The following HRH1 variants were observed in gnomAD, a reference collection of about 807,000 sequenced individuals.
The protein encoded by HRH1 is histamine receptor H1, also known as histamine H1 receptor.
Under a neutral mutation model 10.3 loss-of-function variants are expected in HRH1, and 6 were observed. That is an observed-to-expected ratio of 0.58 (90% CI 0.32 to 1.15). The LOEUF (loss-of-function observed/expected upper bound fraction) is 1.15. Among genes scored for constraint, HRH1 ranks in the 50% most tolerant of loss-of-function variants. The probability of loss-of-function intolerance (pLI) is 0.05; values close to 1 mark genes in which losing one functional copy is unlikely to be tolerated. For synonymous variants in HRH1, 242 were observed against 236.7 expected (o/e 1.02, Z -0.21); for missense variants, 514 against 615.3 (o/e 0.84, Z 1.74).
At chr3:11,216,905 C>T (rs185250484) in intron 1 of HRH1, among the ~76,000 whole-genome samples, 7 of 150,910 alleles carry the variant, frequency 4.6e-5, no homozygotes, top group East Asian at 3.9e-4. Context: ...AAAAACAGGC[C>T]GGGTGTGGTG....
chr3:11,227,032 G>C (rs1938905951), intron 1 of HRH1, among the ~76,000 whole-genome samples: 1 of 152,224 alleles, frequency 6.6e-6, no homozygotes, highest in African/African-American at 2.4e-5. Context: ...AACTGGATTT[G>C]TGGTTTTAGA....
At chr3:11,253,080 C>A (rs1392428970) in intron 1 of HRH1, 1 of 152,192 alleles carries the variant, frequency 6.6e-6, no homozygotes. Context: ...TTTCATATTT[C>A]ACTTTTGTCT....
intron 1 of HRH1, among the ~76,000 whole-genome samples, chr3:11,159,656 G>A (rs147877763): frequency 1.4e-4 from 21 of 152,206 alleles, no homozygotes; most frequent in African/African-American, 4.3e-4. Flanking sequence ...CAGTGATTTC[G>A]TTTCTCATGC....
intron 1 of HRH1, among the ~76,000 whole-genome samples, chr3:11,160,963 A>C (rs1162083215): frequency 6.6e-6 from 1 of 152,192 alleles, no homozygotes; most frequent in Non-Finnish European, 1.5e-5. Flanking sequence ...AGTACCCTAG[A>C]GTATCAATGG....
chr3:11,229,420 A>G (rs1938984765), intron 1 of HRH1, among the ~76,000 whole-genome samples: 1 of 152,190 alleles, frequency 6.6e-6, no homozygotes, highest in African/African-American at 2.4e-5. Context: ...TTTTCCTTCA[A>G]GGCATTTAGG....
intron 1 of HRH1, among the ~76,000 whole-genome samples, chr3:11,194,764 G>T (rs189557193): frequency 6.6e-6 from 1 of 152,308 alleles, no homozygotes; most frequent in Non-Finnish European, 1.5e-5. Context: ...GCAGTGAGCT[G>T]AGATTGTGTC....
intron 1 of HRH1, among the ~76,000 whole-genome samples, chr3:11,155,602 G>C (rs919907596): frequency 6.6e-6 from 1 of 152,188 alleles, no homozygotes; most frequent in Non-Finnish European, 1.5e-5. Flanking sequence ...TCCGGCAGAG[G>C]GCTCCCGCCT....
chr3:11,179,573 T>G (rs1420056380), intron 1 of HRH1, among the ~76,000 whole-genome samples: 1 of 150,290 alleles, frequency 6.7e-6, no homozygotes, highest in Non-Finnish European at 1.5e-5. Flanking sequence ...TGAGCTGAGA[T>G]TACGCCACTG....
intron 1 of HRH1, among the ~76,000 whole-genome samples, chr3:11,166,972 CT>C (rs1365896414): frequency 6.6e-6 from 1 of 151,516 alleles, no homozygotes; most frequent in South Asian, 2.1e-4. Context: ...CTGCTGCCCC[CT>C]GGCTTCTCCA....
chr3:11,260,535 T>C lies in HRH1; in HGVS notation c.*34T>C. ...CTGAGGGGATGCAACAAAATGATCC[T>C]TATGATGTCCAACAAGGAAATAGAG... On this transcript the variant is annotated 3_prime_UTR_variant, in exon 2 of 2. Coordinates refer to ENST00000431010, the MANE Select transcript of HRH1 (RefSeq NM_001098212.2). The C allele has an allele frequency of 1.3e-6, 2 of 1,531,410 alleles. No individual in the cohort carries two copies. The highest frequency in any genetic ancestry group is 1.8e-6 in the Non-Finnish European group (2 of 1,138,152). 94.9% of individuals were successfully genotyped at this position (1,531,410 alleles called of 1,614,324 possible).
intron 1 of HRH1, among the ~76,000 whole-genome samples, chr3:11,180,387 T>G (rs1937329181): frequency 6.6e-6 from 1 of 152,266 alleles, no homozygotes; most frequent in East Asian, 1.9e-4. Flanking sequence ...ATTAGTTAGA[T>G]TCTCGTAAGG....
At chr3:11,234,679 A>G in intron 1 of HRH1, 3 of 1,171,992 alleles carry the variant, frequency 2.6e-6, no homozygotes, top group East Asian at 2.3e-5. Flanking sequence ...GCAGTAGGAC[A>G]TGGCTGCAGC....
At chr3:11,184,803 G>A (rs1392717281) in intron 1 of HRH1, among the ~76,000 whole-genome samples, 1 of 151,586 alleles carries the variant, frequency 6.6e-6, no homozygotes, top group Non-Finnish European at 1.5e-5. Context: ...TGTAGTCCCA[G>A]CTATTTGGGA....
intron 1 of HRH1, among the ~76,000 whole-genome samples, chr3:11,207,909 G>A (rs566872473): frequency 3.3e-4 from 50 of 152,304 alleles, no homozygotes; most frequent in African/African-American, 7.2e-4. Context: ...AAGGGCGGGC[G>A]TCATTGACCA....
At chr3:11,144,596 A>G (rs1211827110) in intron 1 of HRH1, among the ~76,000 whole-genome samples, 1 of 151,328 alleles carries the variant, frequency 6.6e-6, no homozygotes, top group Non-Finnish European at 1.5e-5. Context: ...AGAAGCCATT[A>G]TCATATGTCC....
At position 11,173,623 on chromosome 3, in the gene HRH1, A is replaced by C. The variant is rs866727595; in HGVS notation, c.-36+19069A>C. On this transcript the variant is annotated intron_variant, in intron 1 of 1. Coordinates refer to ENST00000431010, the MANE Select transcript of HRH1 (RefSeq NM_001098212.2). ...TTATCCTTTATAAAAATATATTTTA[A>C]ATATATATAAATTAGTTTTTGTTTT... 4.6e-5 allele frequency among the ~76,000 whole-genome samples: 7 copies of C among 151,862 alleles called. No homozygotes were observed. The South Asian group carries it at 6.2e-4, about 13-fold the overall frequency.
In HRH1 at chr3:11,261,899, G is replaced by C. The variant is rs978977208; in HGVS notation, c.*1398G>C. ...TAAGTGTGCACAGATACACATACAC[G>C]GTATTCCCAAGAGTGGTGGCAGCTC... is the stretch of plus-strand genomic sequence containing the variant. On this transcript the variant is annotated 3_prime_UTR_variant, in exon 2 of 2. Transcript: ENST00000431010. The C allele has an allele frequency of 6.0e-6, 1 of 166,996 alleles. No individual in the cohort carries two copies. Among genetic ancestry groups the C allele is most frequent in the African/African-American group, 2.4e-5 (1 of 41,404 alleles). 10.3% of individuals were successfully genotyped at this position (166,996 alleles called of 1,614,324 possible).
chr3:11,197,201 C>T (rs1006354594), intron 1 of HRH1, among the ~76,000 whole-genome samples: 5 of 151,962 alleles, frequency 3.3e-5, no homozygotes, highest in South Asian at 2.1e-4. Context: ...CAAGATCCCC[C>T]GGTGATTCAT....
At chr3:11,190,765 C>T (rs1000064204) in intron 1 of HRH1, among the ~76,000 whole-genome samples, 6 of 152,054 alleles carry the variant, frequency 3.9e-5, no homozygotes, top group Admixed American at 2.0e-4. Flanking sequence ...GTGGGAGGAT[C>T]GCTTGAGCCG....
Sources: allele counts gnomAD v4.1 joint callset (sites outside exome capture counted in the v4.1 genomes callset), GRCh38; gene constraint gnomAD v4.1.1; transcripts MANE v1.5; gene names NCBI Gene and HGNC (gene_info 2026-07-23, HGNC 2026-07-21).